EIF5B: variants seen among roughly 807,000 people sequenced by gnomAD.
The protein encoded by EIF5B is eukaryotic translation initiation factor 5B.
A neutral mutation model predicts 147.5 loss-of-function variants in EIF5B; 47 were observed. The observed-to-expected ratio is 0.32, with a 90% CI of 0.25 to 0.41. EIF5B has a LOEUF of 0.41. Among genes scored for constraint, EIF5B ranks in the 10% least tolerant of loss-of-function variants. EIF5B has a pLI of 1.00. For missense variants in EIF5B, 1,064 were observed against 1,413.2 expected, an observed-to-expected ratio of 0.75 and a Z score of 3.96; for synonymous variants, 455 against 456.2, an observed-to-expected ratio of 1.00 and a Z score of 0.03.
At chr2:99,392,154 G>A (rs530396278) in intron 17 of EIF5B, among the ~76,000 whole-genome samples, 20 of 151,882 alleles carry the variant, frequency 1.3e-4, no homozygotes, top group South Asian at 4.2e-4. Flanking sequence ...AGTTTTTTAT[G>A]TTTATTTTAT....
intron 8 of EIF5B, among the ~76,000 whole-genome samples, chr2:99,370,311 C>T (rs1450209655): frequency 6.6e-6 from 1 of 152,034 alleles, no homozygotes; most frequent in Admixed American, 6.6e-5. Flanking sequence ...GATGGGAGAG[C>T]TGGGGCTGCC....
At chr2:99,380,076 C>T (rs1256376898) in intron 12 of EIF5B, among the ~76,000 whole-genome samples, 1 of 152,208 alleles carries the variant, frequency 6.6e-6, no homozygotes, top group Non-Finnish European at 1.5e-5. Context: ...TATTGGATTA[C>T]TTCTATAGAG....
At chr2:99,387,582 A>C (rs1405784654) in intron 14 of EIF5B, among the ~76,000 whole-genome samples, 1 of 152,176 alleles carries the variant, frequency 6.6e-6, no homozygotes, top group East Asian at 1.9e-4. Flanking sequence ...GAAAGCTGGT[A>C]GTGGTAAATC....
intron 10 of EIF5B, among the ~76,000 whole-genome samples, chr2:99,377,268 C>T (rs1440933967): frequency 6.6e-6 from 1 of 151,686 alleles, no homozygotes; most frequent in Non-Finnish European, 1.5e-5. Flanking sequence ...TTTTGTTTTA[C>T]TACCTATATA....
intron 23 of EIF5B, 131 bp downstream of exon 23, chr2:99,399,040 T>C: frequency 1.8e-6 from 2 of 1,114,118 alleles, no homozygotes; most frequent in Non-Finnish European, 2.5e-6. Flanking sequence ...CCATTAGGGC[T>C]TGACCTCTAG....
At chr2:99,391,503 G>A (rs1384388014) in intron 17 of EIF5B, among the ~76,000 whole-genome samples, 1 of 152,136 alleles carries the variant, frequency 6.6e-6, no homozygotes, top group Non-Finnish European at 1.5e-5. Context: ...GAATCAGAAC[G>A]CTGCTGGCAC....
At chr2:99,382,997 T>C (rs1680469254) in intron 14 of EIF5B, 76 bp downstream of exon 14, 1 of 1,443,356 alleles carries the variant, frequency 6.9e-7, no homozygotes, top group African/African-American at 1.4e-5. Context: ...AGTAGTATAA[T>C]TAACTTACAA....
chr2:99,373,032 G>A (rs374234213), intron 9 of EIF5B, among the ~76,000 whole-genome samples: 3 of 151,782 alleles, frequency 2.0e-5, no homozygotes, highest in East Asian at 3.9e-4. Flanking sequence ...GTATTTTTAT[G>A]CTGTGTCATT....
chr2:99,343,456 G>A (rs182063322), intron 1 of EIF5B, among the ~76,000 whole-genome samples: 1 of 151,932 alleles, frequency 6.6e-6, no homozygotes, highest in African/African-American at 2.4e-5. Context: ...TTGCATTTTG[G>A]TGTTGTATCT....
chr2:99,394,304 C>T lies in EIF5B; in HGVS notation c.2918C>T (p.Ala973Val). The T allele has an allele frequency of 6.2e-7, 1 of 1,613,326 alleles. No individual in the cohort carries two copies. The highest frequency in any genetic ancestry group is 8.5e-7 in the Non-Finnish European group (1 of 1,179,856). ...CATGAGTTAAAGCAGACACTAAATG[C>T]TATCAAATTAGAAGAAAAAGGAGTC... ...LIHELKQTLN[A>V]IKLEEKGVYV... Residue 973 changes from alanine (A) to valine (V), a missense_variant, in exon 19 of 24, where the codon GCT (alanine) becomes GTT (valine). Coordinates refer to ENST00000289371, the MANE Select transcript of EIF5B (RefSeq NM_015904.4).
intron 22 of EIF5B, chr2:99,397,706 C>T (rs1675086489): frequency 6.6e-6 from 1 of 152,228 alleles, no homozygotes; most frequent in African/African-American, 2.4e-5. Context: ...CCATTAGAAA[C>T]TTGCCCCTTT....
chr2:99,356,996 C>G (rs932741514), intron 1 of EIF5B, among the ~76,000 whole-genome samples: 3 of 152,114 alleles, frequency 2.0e-5, no homozygotes, highest in African/African-American at 7.2e-5. Flanking sequence ...GGTCTTTCAG[C>G]TAGTAGTGCT....
intron 1 of EIF5B, among the ~76,000 whole-genome samples, chr2:99,341,501 A>G (rs2105333304): frequency 6.6e-6 from 1 of 152,284 alleles, no homozygotes; most frequent in South Asian, 2.1e-4. Flanking sequence ...TGCTTTATTT[A>G]TGCTTCTAAG....
intron 1 of EIF5B, among the ~76,000 whole-genome samples, chr2:99,354,657 A>G (rs1674054265): frequency 6.6e-6 from 1 of 151,962 alleles, no homozygotes; most frequent in African/African-American, 2.4e-5. Flanking sequence ...TAAGTACATC[A>G]TATATCTTGG....
intron 1 of EIF5B, among the ~76,000 whole-genome samples, chr2:99,340,385 T>G (rs1302991875): frequency 6.6e-6 from 1 of 152,176 alleles, no homozygotes; most frequent in Non-Finnish European, 1.5e-5. Context: ...CCGGTTTTAT[T>G]CTCCTGGGTG....
Position 99,382,185 on chromosome 2 carries a change from A to G in EIF5B, c.2088A>G (p.Pro696=). 6.2e-7 allele frequency: 1 copy of G among 1,613,230 alleles called. No homozygotes were observed. The highest frequency in any genetic ancestry group is 2.2e-5 in the East Asian group (1 of 44,804). The change falls in exon 13 of 24, where the codon CCA becomes CCG. Residue 696 remains proline (P), a synonymous_variant. Transcript: ENST00000289371. ...TTGATAGAGAGAATGTACGGATTCCAGGAATGCTAATTATTGATACTCCTG... is the reference window on the plus strand; with the variant it reads ...TTGATAGAGAGAATGTACGGATTCCGGGAATGCTAATTATTGATACTCCTG... The part of the protein sequence containing the change: ...KNFDRENVRI[P]GMLIIDTPGH...
rs369222129 is a variant in EIF5B at position 99,371,571 on chromosome 2, CAG to C, written c.1478-82_1478-81del. Reference sequence around the variant, plus strand: ...TAATTAAAACATTCTTTTTTTATGTCAGAGCATAATTTTTTACTTTTTTCTAA... The same window carrying C: ...TAATTAAAACATTCTTTTTTTATGTCAGCATAATTTTTTACTTTTTTCTAA... On this transcript the variant is annotated intron_variant, in intron 8 of 23. Coordinates refer to ENST00000289371, the MANE Select transcript of EIF5B (RefSeq NM_015904.4). 340 of 1,012,882 alleles carry C rather than the reference CAG, an allele frequency of 3.4e-4. 2 individuals carry two copies. In the South Asian group the frequency reaches 5.1e-3, roughly 15 times the overall value. 62.7% of individuals were successfully genotyped at this position (1,012,882 alleles called of 1,614,324 possible).
Position 99,390,552 on chromosome 2 carries a change from T to C in EIF5B, c.2595T>C (p.Ala865=), listed in dbSNP as rs777673248. 2 of 1,606,026 alleles carry C rather than the reference T, an allele frequency of 1.2e-6. No homozygotes were observed. Among genetic ancestry groups the C allele is most frequent in the Non-Finnish European group, 1.7e-6 (2 of 1,173,652 alleles). The part of the protein sequence containing the change: ...ELRAQVMEVK[A]LPGMGTTIDV... ...GCATTAATGCCTTTTAGGTTAAAGC[T>C]CTCCCGGGGATGGGCACCACTATAG... Residue 865 remains alanine (A), a synonymous_variant, in exon 17 of 24, where the codon GCT becomes GCC. Coordinates refer to ENST00000289371, the MANE Select transcript of EIF5B (RefSeq NM_015904.4).
rs1553531981 is a variant in EIF5B, at chr2:99,338,922, G to GTA, written c.35+1348_35+1349dup. Reference sequence around the variant, plus strand: ...TTCATCCCACCTACTAGAAGTGTGTGTATATATATATATATACAAATATAT... The same window carrying GTA: ...TTCATCCCACCTACTAGAAGTGTGTGTATATATATATATATATACAAATATAT... On this transcript the variant is annotated intron_variant, in intron 1 of 23. Transcript: ENST00000289371. Among the ~76,000 whole-genome samples, 892 of 142,294 alleles carry GTA rather than the reference G, an allele frequency of 6.3e-3. 4 individuals are homozygous for GTA. The highest frequency in any genetic ancestry group is 0.022 in the African/African-American group (838 of 38,780). 93.4% of individuals were successfully genotyped at this position (142,294 alleles called of 152,430 possible). A position where few individuals can be genotyped will look rare whatever the true frequency, so the allele number is the denominator to read the frequency against.
Sources: allele counts gnomAD v4.1 joint callset (sites outside exome capture counted in the v4.1 genomes callset), GRCh38; gene constraint gnomAD v4.1.1; transcripts MANE v1.5; gene names NCBI Gene and HGNC (gene_info 2026-07-23, HGNC 2026-07-21).